The following GRIA4 variants were observed in gnomAD, a reference collection of about 807,000 sequenced individuals.
GRIA4 encodes glutamate receptor 4.
GRIA4 carries 34 observed loss-of-function variants against 104.0 expected under a neutral mutation model. That is an observed-to-expected ratio of 0.33 (90% CI 0.25 to 0.44). The LOEUF (loss-of-function observed/expected upper bound fraction) is 0.44, where lower values mean the gene tolerates loss of function less well. Among genes scored for constraint, GRIA4 ranks in the 20% least tolerant of loss-of-function variants. The pLI, the probability that GRIA4 is intolerant of heterozygous loss-of-function variation, is 1.00. For missense variants in GRIA4, 750 were observed against 1,096.5 expected, an observed-to-expected ratio of 0.68 and a Z score of 4.46; for synonymous variants, 386 against 381.9, an observed-to-expected ratio of 1.01 and a Z score of -0.13.
rs1297855229 is a variant in GRIA4 at position 105,981,473 on chromosome 11, A to G, written c.*1734A>G. On this transcript the variant is annotated 3_prime_UTR_variant, in exon 17 of 17. Coordinates refer to ENST00000282499, the MANE Select transcript of GRIA4 (RefSeq NM_000829.4). ...TAAAGTTGGAAAAGCTGAAGGATTG[A>G]TTTTCTTCCATCAACTCTCAAGATC... is the stretch of plus-strand genomic sequence containing the variant. 6.6e-6 allele frequency: 1 copy of G among 151,772 alleles called. No homozygotes were observed. The highest frequency in any genetic ancestry group is 1.5e-5 in the Non-Finnish European group (1 of 67,940). The allele number at this position is 151,772 out of a possible 1,614,324, so 9.4% of individuals were successfully genotyped here.
intron 14 of GRIA4, among the ~76,000 whole-genome samples, chr11:105,967,123 C>G (rs956689100): frequency 1.3e-5 from 2 of 151,744 alleles, no homozygotes; most frequent in Non-Finnish European, 1.5e-5. Context: ...TAGAATAACA[C>G]CAGAGAAAAT....
chr11:105,713,676 T>C lies in GRIA4; in HGVS notation c.248-39305T>C, dbSNP rs550464252. ...AGCTTTTCTACCTTGTACAAGAAAGTTTTTAATTTGGGATTGTTGTTAAAT... is the reference window on the plus strand; with the variant it reads ...AGCTTTTCTACCTTGTACAAGAAAGCTTTTAATTTGGGATTGTTGTTAAAT... On this transcript the variant is annotated intron_variant, in intron 3 of 16. Coordinates refer to ENST00000282499, the MANE Select transcript of GRIA4 (RefSeq NM_000829.4). Among the ~76,000 whole-genome samples the C allele has an allele frequency of 7.9e-5, 12 of 152,266 alleles. No homozygotes were observed. The South Asian group carries it at 2.5e-3, about 32-fold the overall frequency.
At chr11:105,817,148 C>G (rs906997196) in intron 4 of GRIA4, among the ~76,000 whole-genome samples, 9 of 151,944 alleles carry the variant, frequency 5.9e-5, no homozygotes, top group Admixed American at 5.9e-4. Context: ...CTGCAATTTC[C>G]TCATCTTTAA....
At chr11:105,809,799 T>C (rs1304972601) in intron 4 of GRIA4, among the ~76,000 whole-genome samples, 1 of 152,092 alleles carries the variant, frequency 6.6e-6, no homozygotes, top group Non-Finnish European at 1.5e-5. Flanking sequence ...TTTATAGCAG[T>C]GTGAGAATGG....
At chr11:105,930,604 GATTT>G (rs1947844716) in intron 13 of GRIA4, among the ~76,000 whole-genome samples, 1 of 152,024 alleles carries the variant, frequency 6.6e-6, no homozygotes. Flanking sequence ...TTTTTAAAAA[GATTT>G]ATTTGCTTTA....
intron 3 of GRIA4, among the ~76,000 whole-genome samples, chr11:105,692,014 A>C (rs1953105546): frequency 6.6e-6 from 1 of 151,950 alleles, no homozygotes; most frequent in Non-Finnish European, 1.5e-5. Flanking sequence ...AGAACATGTA[A>C]AATCAACACA....
intron 11 of GRIA4, among the ~76,000 whole-genome samples, chr11:105,922,891 A>G (rs546600340): frequency 9.9e-5 from 15 of 152,236 alleles, no homozygotes; most frequent in Admixed American, 4.6e-4. Context: ...TGTAACAAAA[A>G]CTATATACAT....
At chr11:105,630,367 C>T (rs927009395) in intron 3 of GRIA4, among the ~76,000 whole-genome samples, 2 of 130,910 alleles carry the variant, frequency 1.5e-5, no homozygotes, top group African/African-American at 5.4e-5. Flanking sequence ...AGTTCAAGAC[C>T]AGCCTGACTG....
At chr11:105,776,817 G>T (rs1350985908) in intron 4 of GRIA4, among the ~76,000 whole-genome samples, 1 of 152,136 alleles carries the variant, frequency 6.6e-6, no homozygotes, top group Non-Finnish European at 1.5e-5. Flanking sequence ...AATGCTTGGG[G>T]TCACAAACAG....
rs1014062979 is a variant in GRIA4, at chr11:105,935,277, C to T, written c.2294+1308C>T. Among the ~76,000 whole-genome samples the T allele has an allele frequency of 2.6e-5, 4 of 152,104 alleles. No individual in the cohort carries two copies. In the East Asian group the frequency reaches 5.8e-4, roughly 22 times the overall value. On this transcript the variant is annotated intron_variant, in intron 14 of 16. Transcript: ENST00000282499. The stretch of plus-strand genomic sequence containing the variant: ...TTAAAAAGAGGTAAAACAAAACTAG[C>T]CAGTAAAGACAAATTTGGTTATGGA...
chr11:105,895,365 ATC>A (rs1458106349), intron 6 of GRIA4, among the ~76,000 whole-genome samples: 2 of 151,582 alleles, frequency 1.3e-5, no homozygotes, highest in African/African-American at 4.9e-5. Flanking sequence ...TCTTGCTATT[ATC>A]TGTTTTACAC....
intron 3 of GRIA4, among the ~76,000 whole-genome samples, chr11:105,683,952 G>A (rs566658739): frequency 6.6e-6 from 1 of 152,046 alleles, no homozygotes; most frequent in African/African-American, 2.4e-5. Context: ...TCGGCTCACT[G>A]CAAACTTCAC....
At chr11:105,818,237 G>A (rs2135893509) in intron 4 of GRIA4, among the ~76,000 whole-genome samples, 1 of 152,238 alleles carries the variant, frequency 6.6e-6, no homozygotes, top group South Asian at 2.1e-4. Context: ...TTGGTTTGAA[G>A]ACTAATGAGC....
chr11:105,968,591 T>C (rs1018075725), intron 14 of GRIA4, among the ~76,000 whole-genome samples: 1 of 152,202 alleles, frequency 6.6e-6, no homozygotes, highest in Admixed American at 6.5e-5. Flanking sequence ...AACAGGGTCC[T>C]GCATCTTACA....
chr11:105,768,326 G>A (rs1591222430), intron 4 of GRIA4, among the ~76,000 whole-genome samples: 1 of 152,146 alleles, frequency 6.6e-6, no homozygotes, highest in East Asian at 1.9e-4. Flanking sequence ...TCTGTGTATG[G>A]ATAAAGGATG....
intron 4 of GRIA4, among the ~76,000 whole-genome samples, chr11:105,858,677 C>T (rs1009443176): frequency 1.3e-5 from 2 of 152,060 alleles, no homozygotes; most frequent in African/African-American, 4.8e-5. Context: ...CCTTCCCAGC[C>T]TCTGGTAACC....
chr11:105,761,403 A>G (rs960499822), intron 4 of GRIA4, among the ~76,000 whole-genome samples: 8 of 152,276 alleles, frequency 5.3e-5, no homozygotes, highest in Non-Finnish European at 1.0e-4. Flanking sequence ...GCCATTATGC[A>G]CTAAGTACTT....
At chr11:105,828,590 A>G (rs1055114310) in intron 4 of GRIA4, among the ~76,000 whole-genome samples, 15 of 151,910 alleles carry the variant, frequency 9.9e-5, no homozygotes, top group Non-Finnish European at 2.2e-4. Context: ...GACAGATTTA[A>G]ACATGACATT....
chr11:105,617,894 CAG>C (rs2135261126), intron 3 of GRIA4, among the ~76,000 whole-genome samples: 1 of 152,062 alleles, frequency 6.6e-6, no homozygotes, highest in South Asian at 2.1e-4. Context: ...AGTGCTATGA[CAG>C]AGAAACATTG....
Sources: allele counts gnomAD v4.1 joint callset (sites outside exome capture counted in the v4.1 genomes callset), GRCh38; gene constraint gnomAD v4.1.1; transcripts MANE v1.5; gene names NCBI Gene and HGNC (gene_info 2026-07-23, HGNC 2026-07-21).